Variants in SIDT2 observed in about 807,000 individuals in gnomAD.
The protein encoded by SIDT2 is SID1 transmembrane family, member 2.
A neutral mutation model predicts 114.4 loss-of-function variants in SIDT2; 68 were observed. The observed-to-expected ratio is 0.59, with a 90% confidence interval of 0.49 to 0.73. SIDT2 has a LOEUF of 0.73. Among genes scored for constraint, SIDT2 ranks in the 30% least tolerant of loss-of-function variants. The probability of loss-of-function intolerance (pLI) is 0.00; values close to 1 mark genes in which losing one functional copy is unlikely to be tolerated. For synonymous variants in SIDT2, 470 were observed against 438.4 expected (o/e 1.07, Z -0.90); for missense variants, 918 against 1,097.1 (o/e 0.84, Z 2.31).
intron 8 of SIDT2, chr11:117,185,929 T>A: frequency 3.3e-5 from 14 of 422,354 alleles, no homozygotes; most frequent in South Asian, 7.2e-5. Flanking sequence ...GGGAGCAACA[T>A]GAGCAAAAAT....
Position 117,179,188 on chromosome 11 carries a change from C to T in SIDT2, c.-76C>T, listed in dbSNP as rs2030157082. On this transcript the variant is annotated 5_prime_UTR_variant, in exon 1 of 26. Coordinates refer to ENST00000324225, the MANE Select transcript of SIDT2 (RefSeq NM_001040455.2). ...CTGGAAGCTGCGGCCGCAGCCGCAA[C>T]CCGTCCCGGAGGTGTCCTGTCTCCT... is the stretch of plus-strand genomic sequence containing the variant. The T allele has an allele frequency of 1.4e-6, 2 of 1,443,744 alleles. No homozygotes were observed. Among genetic ancestry groups the T allele is most frequent in the Non-Finnish European group, 1.9e-6 (2 of 1,064,936 alleles). The allele number at this position is 1,443,744 out of a possible 1,614,324, so 89.4% of individuals were successfully genotyped here.
At chr11:117,191,826 G>T (rs1170427829) in intron 18 of SIDT2, 52 bp from the exon 19 acceptor site, 2 of 1,599,052 alleles carry the variant, frequency 1.3e-6, no homozygotes, top group East Asian at 4.5e-5. Flanking sequence ...GGAGTTCTCT[G>T]CTGGGGCTTG....
chr11:117,189,912 G>GT, intron 15 of SIDT2, 40 bp from the exon 16 acceptor site: 1 of 1,604,158 alleles, frequency 6.2e-7, no homozygotes, highest in Non-Finnish European at 8.5e-7. Context: ...TGAGTTGGGC[G>GT]TGACGACAGA....
rs202037876 is a variant in SIDT2, at chr11:117,179,405, G to A, written c.142G>A (p.Val48Ile). The change falls in exon 1 of 26, where the codon GTC (valine) becomes ATC (isoleucine). Residue 48 changes from valine to isoleucine, a missense_variant. Physicochemically the swap from Val to Ile is conservative, Grantham distance 29. Around this residue, in one of 4 missense-constraint regions of SIDT2, gnomAD observed 553 missense variants for 600.1 expected, o/e 0.92. Coordinates refer to ENST00000324225, the MANE Select transcript of SIDT2 (RefSeq NM_001040455.2). ...TYVDEVNSEL[V>I]NIYTFNHTVT... is the part of the protein sequence containing the mutation. The stretch of plus-strand genomic sequence containing the variant: ...CGTGGACGAGGTCAACAGCGAGCTG[G>A]TCAACATCTACACCTTCAACCATAC... The A allele has an allele frequency of 1.9e-6, 3 of 1,613,846 alleles. No homozygotes were observed. The East Asian group carries it at 6.7e-5, about 36-fold the overall frequency.
rs759426310 is a variant in SIDT2 at position 117,192,214 on chromosome 11, C to T, written c.1873-40C>T. On this transcript the variant is annotated intron_variant, in intron 19 of 25. Transcript: ENST00000324225. The surrounding 1 kb of genome is among the most constrained non-coding windows in gnomAD (Gnocchi z 5.9). ...AGGGTGGGCCATCCGAGCCACTTCC[C>T]TCTCCACCCTCACCGCTGCCCTTGG... 12 of 1,478,428 alleles carry T rather than the reference C, an allele frequency of 8.1e-6. No individual in the cohort carries two copies. The East Asian group carries it at 1.8e-4, about 22-fold the overall frequency. The allele number at this position is 1,478,428 out of a possible 1,614,324, so 91.6% of individuals were successfully genotyped here. A position where few individuals can be genotyped will look rare whatever the true frequency, so the allele number is the denominator to read the frequency against.
Position 117,192,444 on chromosome 11 carries a change from C to A in SIDT2, c.1981+82C>A. 1 of 1,404,184 alleles carries A rather than the reference C, an allele frequency of 7.1e-7. No individual in the cohort carries two copies. The highest frequency in any genetic ancestry group is 1.0e-6 in the Non-Finnish European group (1 of 1,000,026). The allele number at this position is 1,404,184 out of a possible 1,614,324, so 87.0% of individuals were successfully genotyped here. ...CGGACGCACGGGAGACGCTCAGGTT[C>A]TGTCTTGGGGGCCCTGGAGTCACTG... On this transcript the variant is annotated intron_variant, in intron 20 of 25. Coordinates refer to ENST00000324225, the MANE Select transcript of SIDT2 (RefSeq NM_001040455.2). This position sits in a 1 kb window ranked among gnomAD's most constrained non-coding sequence, Gnocchi z 5.9.
rs186114355 is a variant in SIDT2, at chr11:117,181,613, C to A, written c.305+76C>A. 3.1e-6 allele frequency: 5 copies of A among 1,602,730 alleles called. No homozygotes were observed. The South Asian group carries it at 5.5e-5, about 18-fold the overall frequency. On this transcript the variant is annotated intron_variant, in intron 2 of 25. Coordinates refer to ENST00000324225, the MANE Select transcript of SIDT2 (RefSeq NM_001040455.2). ...GGCTGGAGCCTCAACCAGGAGCCCC[C>A]CCATTTCTCCTCCCCTTTCCCTGGG...
chr11:117,189,839 C>T, intron 15 of SIDT2, 113 bp from the exon 16 acceptor site: 2 of 927,224 alleles, frequency 2.2e-6, no homozygotes, highest in Non-Finnish European at 1.7e-6. Flanking sequence ...TGTATTCCCA[C>T]CTGCTAGCTG....
chr11:117,182,274 G>A, intron 4 of SIDT2, 169 bp downstream of exon 4: 1 of 803,268 alleles, frequency 1.2e-6, no homozygotes, highest in Non-Finnish European at 2.0e-6. Flanking sequence ...AGACAGCATG[G>A]GACTGTACAG....
At chr11:117,191,815 A>G (rs888454928) in intron 18 of SIDT2, 63 bp from the exon 19 acceptor site, 6 of 1,588,000 alleles carry the variant, frequency 3.8e-6, no homozygotes, top group Non-Finnish European at 4.3e-6. Context: ...TGTTGGGGCC[A>G]GGAGTTCTCT....
chr11:117,195,329 G>A (rs575664801), intron 24 of SIDT2, among the ~76,000 whole-genome samples: 1 of 152,298 alleles, frequency 6.6e-6, no homozygotes, highest in African/African-American at 2.4e-5. Context: ...GAGCTTATGA[G>A]TAGAGCAGGG....
At chr11:117,180,703 T>G (rs2030252842) in intron 1 of SIDT2, among the ~76,000 whole-genome samples, 1 of 151,926 alleles carries the variant, frequency 6.6e-6, no homozygotes, top group Non-Finnish European at 1.5e-5. Flanking sequence ...ACCCAGCTAA[T>G]TTTTGTATTT....
Position 117,181,495 on chromosome 11 carries a change from A to T in SIDT2, c.263A>T (p.Glu88Val), listed in dbSNP as rs2134247851. Residue 88 changes from glutamate to valine, a missense_variant, in exon 2 of 26, where the codon GAG (glutamate) becomes GTG (valine). Transcript: ENST00000324225. ...APLLFVVRQK[E>V]AVVSFQVPLI... Reference sequence around the variant, plus strand: ...TTGCTGTTTGTGGTCCGCCAGAAGGAGGCTGTGGTGTCCTTCCAGGTGCCC... The same window carrying T: ...TTGCTGTTTGTGGTCCGCCAGAAGGTGGCTGTGGTGTCCTTCCAGGTGCCC... 1.2e-6 allele frequency: 2 copies of T among 1,613,796 alleles called. No homozygotes were observed. The highest frequency in any genetic ancestry group is 2.2e-5 in the East Asian group (1 of 44,838).
Position 117,188,268 on chromosome 11 carries a change from C to T in SIDT2, c.1160-440C>T. 9.3e-6 allele frequency: 3 copies of T among 321,166 alleles called. No homozygotes were observed. The highest frequency in any genetic ancestry group is 8.0e-5 in the South Asian group (3 of 37,612). 19.9% of individuals were successfully genotyped at this position (321,166 alleles called of 1,614,324 possible). On this transcript the variant is annotated intron_variant, in intron 12 of 25. Coordinates refer to ENST00000324225, the MANE Select transcript of SIDT2 (RefSeq NM_001040455.2). This position sits in a 1 kb window ranked among gnomAD's most constrained non-coding sequence, Gnocchi z 4.0. ...CTGGCCTCTGGATAAAGGAGAAATG[C>T]TCTTTCTGCACCCCAGGCCCACTGG...
At position 117,181,461 on chromosome 11, in the gene SIDT2, G is replaced by C. The variant is rs1316171012; in HGVS notation, c.229G>C (p.Gly77Arg). The change falls in exon 2 of 26, where the codon GGG becomes CGG. Residue 77 changes from glycine to arginine, a missense_variant. Transcript: ENST00000324225. ...VSVNVLNKQK[G>R]APLLFVVRQK... is the part of the protein sequence containing the mutation. ...TGTGAACGTCCTGAACAAGCAGAAGGGGGCGCCGTTGCTGTTTGTGGTCCG... is the reference window on the plus strand; with the variant it reads ...TGTGAACGTCCTGAACAAGCAGAAGCGGGCGCCGTTGCTGTTTGTGGTCCG... 1 of 1,613,544 alleles carries C rather than the reference G, an allele frequency of 6.2e-7. No individual in the cohort carries two copies. The highest frequency in any genetic ancestry group is 8.5e-7 in the Non-Finnish European group (1 of 1,179,934).
chr11:117,193,729 C>A (rs1367565354), intron 23 of SIDT2, 124 bp from the exon 24 acceptor site: 2 of 667,424 alleles, frequency 3.0e-6, no homozygotes, highest in Non-Finnish European at 5.3e-6. Flanking sequence ...TGGTATGAAT[C>A]CAAGGAGCAG....
Position 117,196,470 on chromosome 11 carries a change from C to A in SIDT2, c.*404C>A. 4.2e-6 allele frequency: 1 copy of A among 239,838 alleles called. No homozygotes were observed. The highest frequency in any genetic ancestry group is 5.9e-5 in the South Asian group (1 of 17,052). 14.9% of individuals were successfully genotyped at this position (239,838 alleles called of 1,614,324 possible). A position where few individuals can be genotyped will look rare whatever the true frequency, so the allele number is the denominator to read the frequency against. ...AATGCCCCAGCCTGGGACCTAAGGC[C>A]TCTTTTTCCTCCCATACTCCCACTC... On this transcript the variant is annotated 3_prime_UTR_variant, in exon 26 of 26. Transcript: ENST00000324225. The surrounding 1 kb of genome is among the most constrained non-coding windows in gnomAD (Gnocchi z 4.9).
chr11:117,188,991 T>C lies in SIDT2; in HGVS notation c.1278+165T>C. On this transcript the variant is annotated intron_variant, in intron 13 of 25. Transcript: ENST00000324225. The surrounding 1 kb of genome is among the most constrained non-coding windows in gnomAD (Gnocchi z 4.0). ...GAAACTAACCTGACCTCCAACCCCT[T>C]CCGGCCTGATTGGCCAAACCCTCTT... The C allele has an allele frequency of 1.0e-6, 1 of 959,798 alleles. No individual in the cohort carries two copies. The allele number at this position is 959,798 out of a possible 1,614,324, so 59.5% of individuals were successfully genotyped here.
Position 117,179,216 on chromosome 11 carries a change from C to T in SIDT2, c.-48C>T, listed in dbSNP as rs763488295. The T allele has an allele frequency of 2.0e-6, 3 of 1,537,268 alleles. No homozygotes were observed. Among genetic ancestry groups the T allele is most frequent in the Non-Finnish European group, 2.7e-6 (3 of 1,131,048 alleles). The stretch of plus-strand genomic sequence containing the variant: ...GTCCCGGAGGTGTCCTGTCTCCTGT[C>T]GCCGCCGCCGCCGCCACCACCGCTG... On this transcript the variant is annotated 5_prime_UTR_variant, in exon 1 of 26. Coordinates refer to ENST00000324225, the MANE Select transcript of SIDT2 (RefSeq NM_001040455.2).
Sources: allele counts gnomAD v4.1 joint callset (sites outside exome capture counted in the v4.1 genomes callset), GRCh38; gene constraint gnomAD v4.1.1; regional missense constraint gnomAD v4.1.1; non-coding constraint Gnocchi (gnomAD v3.1); transcripts MANE v1.5; gene names NCBI Gene and HGNC (gene_info 2026-07-23, HGNC 2026-07-21).